The following PDE8B variants were observed in gnomAD, a reference collection of about 807,000 sequenced individuals.
PDE8B encodes the protein phosphodiesterase 8B.
A neutral mutation model predicts 101.3 loss-of-function variants in PDE8B; 26 were observed. That is an observed-to-expected ratio of 0.26 (90% confidence interval 0.19 to 0.36). The LOEUF (loss-of-function observed/expected upper bound fraction) is 0.36, where lower values mean the gene tolerates loss of function less well. Ranked by LOEUF, PDE8B falls within the 10% of genes least tolerant of loss-of-function variation. PDE8B has a pLI of 1.00. For synonymous variants in PDE8B, 424 were observed against 429.3 expected (o/e 0.99, Z 0.15); for missense variants, 810 against 1,163.1 (o/e 0.70, Z 4.42).
At chr5:77,357,130 G>A (rs1321996602) in intron 10 of PDE8B, among the ~76,000 whole-genome samples, 1 of 152,136 alleles carries the variant, frequency 6.6e-6, no homozygotes, top group Non-Finnish European at 1.5e-5. Context: ...AGAAAGTTAG[G>A]TCTCACTTTC....
At chr5:77,277,553 C>G (rs1183825171) in intron 1 of PDE8B, among the ~76,000 whole-genome samples, 1 of 152,202 alleles carries the variant, frequency 6.6e-6, no homozygotes, top group Non-Finnish European at 1.5e-5. Context: ...CATATATTCT[C>G]TGCTTCACAT....
chr5:77,427,849 C>G lies in PDE8B; in HGVS notation c.*1295C>G, dbSNP rs1798421985. The G allele has an allele frequency of 6.6e-6, 1 of 152,104 alleles. No homozygotes were observed. The highest frequency in any genetic ancestry group is 1.5e-5 in the Non-Finnish European group (1 of 68,018). 9.4% of individuals were successfully genotyped at this position (152,104 alleles called of 1,614,324 possible). ...CAAACTTCATTTTTCTTTCTCTGTA[C>G]TTCATGCTGCATTTTTAAAAGGTAT... On this transcript the variant is annotated 3_prime_UTR_variant, in exon 22 of 22. Coordinates refer to ENST00000264917, the MANE Select transcript of PDE8B (RefSeq NM_003719.5).
At position 77,216,482 on chromosome 5, in the gene PDE8B, A is replaced by G. The variant is rs186909757; in HGVS notation, c.339+5218A>G. 7.9e-5 allele frequency among the ~76,000 whole-genome samples: 12 copies of G among 152,312 alleles called. No individual in the cohort carries two copies. The East Asian group carries it at 2.1e-3, about 27-fold the overall frequency. The stretch of plus-strand genomic sequence containing the variant: ...TCAGATCTCGTGAGACTTATTCACT[A>G]TCATGAGAACAGTAAGGGGGGAACT... On this transcript the variant is annotated intron_variant, in intron 1 of 21. Coordinates refer to ENST00000264917, the MANE Select transcript of PDE8B (RefSeq NM_003719.5).
chr5:77,362,520 T>C (rs1783298780), intron 10 of PDE8B, among the ~76,000 whole-genome samples: 1 of 152,246 alleles, frequency 6.6e-6, no homozygotes, highest in Non-Finnish European at 1.5e-5. Context: ...TAAACTTATG[T>C]TCGGCTATCT....
the PDE8B span, chr5:77,105,131 G>C: frequency 6.6e-6 from 1 of 152,058 alleles, no homozygotes; most frequent in African/African-American, 2.4e-5. Context: ...CCTTTTCCTT[G>C]CTAAGTTTCA....
In PDE8B at chr5:77,351,164, A is replaced by G. The variant is rs2150450059; in HGVS notation, c.1106+11A>G. On this transcript the variant is annotated intron_variant, in intron 9 of 21. Transcript: ENST00000264917. Reference sequence around the variant, plus strand: ...GATTGGCCAAGGAGGGTGAGAGCAAACTGTTCAACTCTTTTAGCTGAAGAT... The same window carrying G: ...GATTGGCCAAGGAGGGTGAGAGCAAGCTGTTCAACTCTTTTAGCTGAAGAT... 6.3e-7 allele frequency: 1 copy of G among 1,590,616 alleles called. No individual in the cohort carries two copies. The highest frequency in any genetic ancestry group is 2.2e-5 in the East Asian group (1 of 44,776).
chr5:77,210,939 C>A lies in PDE8B; in HGVS notation c.14C>A (p.Pro5His). 1 of 1,498,294 alleles carries A rather than the reference C, an allele frequency of 6.7e-7. No individual in the cohort carries two copies. The highest frequency in any genetic ancestry group is 8.8e-7 in the Non-Finnish European group (1 of 1,131,204). The allele number at this position is 1,498,294 out of a possible 1,614,324, so 92.8% of individuals were successfully genotyped here. The part of the protein sequence containing the change: MGCA[P>H]SIHVSQSGVI... ...CCCGGCCGAGGGATGGGCTGCGCCC[C>A]CAGCATCCATGTCTCGCAGAGCGGC... The change falls in exon 1 of 22, where the codon CCC becomes CAC. Residue 5 changes from proline to histidine, a missense_variant. Coordinates refer to ENST00000264917, the MANE Select transcript of PDE8B (RefSeq NM_003719.5). The surrounding 1 kb of genome is among the most constrained non-coding windows in gnomAD (Gnocchi z 4.9).
At chr5:77,183,502 C>G in the PDE8B span, among the ~76,000 whole-genome samples, 1 of 152,150 alleles carries the variant, frequency 6.6e-6, no homozygotes, top group Non-Finnish European at 1.5e-5. Flanking sequence ...GGAGCTGAAC[C>G]AGCCAGCTGG....
At chr5:77,290,296 A>G (rs1001721144) in intron 1 of PDE8B, 21 of 1,546,654 alleles carry the variant, frequency 1.4e-5, no homozygotes, top group East Asian at 2.3e-5. Context: ...AATCAGCCCC[A>G]GTATGCATGG....
At chr5:77,088,406 A>C in the PDE8B span, 1 of 143,262 alleles carries the variant, frequency 7.0e-6, no homozygotes, top group Non-Finnish European at 1.5e-5. Context: ...TCAGTGTGAC[A>C]GTTTCTGTAT....
the PDE8B span, chr5:77,115,143 A>G: frequency 1.3e-5 from 2 of 152,230 alleles, no homozygotes; most frequent in African/African-American, 4.8e-5. Context: ...ATAAAGAGAA[A>G]GAGAGTGAAA....
intron 1 of PDE8B, among the ~76,000 whole-genome samples, chr5:77,225,598 G>T (rs1401797279): frequency 6.6e-6 from 1 of 152,016 alleles, no homozygotes; most frequent in Non-Finnish European, 1.5e-5. Flanking sequence ...TATGATCTCG[G>T]GTGTTCATTG....
intron 10 of PDE8B, chr5:77,358,379 T>C (rs1489893442): frequency 5.4e-6 from 5 of 927,134 alleles, no homozygotes; most frequent in Non-Finnish European, 6.4e-6. Flanking sequence ...AGCCCATGTC[T>C]CTACCCTGCA....
At chr5:77,176,874 T>C in the PDE8B span, among the ~76,000 whole-genome samples, 109 of 152,280 alleles carry the variant, frequency 7.2e-4, no homozygotes, top group East Asian at 0.016. Context: ...CAGGAGGCCA[T>C]GGGGAGCATG....
chr5:77,102,143 T>C, the PDE8B span, among the ~76,000 whole-genome samples: 2 of 152,214 alleles, frequency 1.3e-5, no homozygotes, highest in African/African-American at 4.8e-5. Context: ...ATCCATATCG[T>C]GTGCGAGTGA....
chr5:77,219,027 A>G (rs1332773813), intron 1 of PDE8B, among the ~76,000 whole-genome samples: 2 of 152,158 alleles, frequency 1.3e-5, no homozygotes, highest in Non-Finnish European at 2.9e-5. Flanking sequence ...ATTTCCAGAG[A>G]TGACATAGTA....
At chr5:77,381,073 A>G (rs1156712136) in intron 10 of PDE8B, among the ~76,000 whole-genome samples, 1 of 152,202 alleles carries the variant, frequency 6.6e-6, no homozygotes, top group Non-Finnish European at 1.5e-5. Flanking sequence ...GGTGGGGATC[A>G]GAGGTGCACC....
chr5:77,426,626 T>C lies in PDE8B; in HGVS notation c.*72T>C. The C allele has an allele frequency of 1.3e-6, 1 of 787,464 alleles. No individual in the cohort carries two copies. Among genetic ancestry groups the C allele is most frequent in the Non-Finnish European group, 2.3e-6 (1 of 441,030 alleles). 48.8% of individuals were successfully genotyped at this position (787,464 alleles called of 1,614,324 possible). On this transcript the variant is annotated 3_prime_UTR_variant, in exon 22 of 22. Transcript: ENST00000264917. ...ATCACAGTAGCGTAAACGAGAGGCC[T>C]TCCTTTCTAATGACAATGACAGGTA...
chr5:77,183,048 A>G, the PDE8B span, among the ~76,000 whole-genome samples: 1 of 151,760 alleles, frequency 6.6e-6, no homozygotes, highest in Non-Finnish European at 1.5e-5. Flanking sequence ...GCATTGGACT[A>G]AGCTCTTTAT....
Sources: gnomAD v4.1 joint callset for allele counts (sites outside exome capture counted in the v4.1 genomes callset) on GRCh38, gnomAD v4.1.1 for gene constraint, Gnocchi (gnomAD v3.1) non-coding constraint, MANE v1.5 for transcripts, NCBI Gene and HGNC (gene_info 2026-07-23, HGNC 2026-07-21) for gene names.